Variants in ARHGAP5 observed in about 807,000 individuals in gnomAD.
ARHGAP5 encodes the protein Rho GTPase activating protein 5, also known as rho GTPase-activating protein 5.
A neutral mutation model predicts 116.6 loss-of-function variants in ARHGAP5; 23 were observed. That is an observed-to-expected ratio of 0.20 (90% CI 0.14 to 0.28). The LOEUF (loss-of-function observed/expected upper bound fraction) is 0.28. Ranked by LOEUF, ARHGAP5 falls within the 10% of genes least tolerant of loss-of-function variation. The pLI is 1.00. For synonymous variants in ARHGAP5, 574 were observed against 602.0 expected (o/e 0.95, Z 0.68); for missense variants, 1,405 against 1,774.8 (o/e 0.79, Z 3.74).
rs891226920 is a variant in ARHGAP5, at chr14:32,154,804, A to G, written c.4365A>G (p.Val1455=). 5.0e-6 allele frequency: 8 copies of G among 1,614,080 alleles called. No homozygotes were observed. In the African/African-American group the frequency reaches 6.7e-5, roughly 13 times the overall value. Residue 1455 remains valine (V), a synonymous_variant, in exon 7 of 7, where the codon GTA becomes GTG. Coordinates refer to ENST00000345122, the MANE Select transcript of ARHGAP5 (RefSeq NM_001030055.2). ...TTTTCTTTTACAATGGAGAAATTGTAGAAACGACAAACATTGTGGCTCCTC... is the reference window on the plus strand; with the variant it reads ...TTTTCTTTTACAATGGAGAAATTGTGGAAACGACAAACATTGTGGCTCCTC... ...CQFFFYNGEI[V]ETTNIVAPPP...
rs1880948006 is a variant in ARHGAP5 at position 32,138,834 on chromosome 14, G to A, written c.3866-7429G>A. 2.6e-5 allele frequency among the ~76,000 whole-genome samples: 4 copies of A among 152,182 alleles called. No individual in the cohort carries two copies. In the South Asian group the frequency reaches 8.3e-4, roughly 32 times the overall value. ...CACAGCTAATAAGTATATAGCTCTG[G>A]ATTTTTCATAAATGTCCTTGATCGT... On this transcript the variant is annotated intron_variant, in intron 3 of 6. Transcript: ENST00000345122.
chr14:32,080,587 A>G lies in ARHGAP5; in HGVS notation c.-169+3152A>G, dbSNP rs543710280. Among the ~76,000 whole-genome samples, 89 of 152,204 alleles carry G rather than the reference A, an allele frequency of 5.8e-4. 1 individual carries two copies. Among genetic ancestry groups the G allele is most frequent in the African/African-American group, 2.1e-3 (87 of 41,558 alleles). On this transcript the variant is annotated intron_variant, in intron 1 of 6. Transcript: ENST00000345122. ...CTATGTGCCTAGCCCTGGAAATACC[A>G]AGATAAATTAGATATAGGTATAATA...
At chr14:32,145,296 G>A (rs1881323936) in intron 3 of ARHGAP5, among the ~76,000 whole-genome samples, 1 of 152,212 alleles carries the variant, frequency 6.6e-6, no homozygotes. Context: ...CTGATTGGCA[G>A]CAGTAGAAGT....
rs1354242465 is a variant in ARHGAP5, at chr14:32,155,011, A to G, written c.*63A>G. On this transcript the variant is annotated 3_prime_UTR_variant, in exon 7 of 7. Transcript: ENST00000345122. ...AAGCAAATCTAGACATGCATGTTTC[A>G]GGGTTCAGTAGTATACTTCATGTTT... is the stretch of plus-strand genomic sequence containing the variant. The G allele has an allele frequency of 3.6e-6, 5 of 1,377,558 alleles. No individual in the cohort carries two copies. In the Admixed American group the frequency reaches 7.9e-5, roughly 22 times the overall value. The allele number at this position is 1,377,558 out of a possible 1,614,324, so 85.3% of individuals were successfully genotyped here.
chr14:32,082,654 C>G (rs934464067), intron 1 of ARHGAP5, among the ~76,000 whole-genome samples: 2 of 152,182 alleles, frequency 1.3e-5, no homozygotes, highest in Admixed American at 1.3e-4. Flanking sequence ...ATTCTCCTGC[C>G]TCATCCTCCT....
At chr14:32,128,756 A>G (rs556116550) in intron 3 of ARHGAP5, among the ~76,000 whole-genome samples, 31 of 152,304 alleles carry the variant, frequency 2.0e-4, no homozygotes, top group South Asian at 6.2e-4. Flanking sequence ...ATATGCTGTT[A>G]GATTTTATTT....
In ARHGAP5 at chr14:32,146,210, C is replaced by T. The variant is rs1303006943; in HGVS notation, c.3866-53C>T. Reference sequence around the variant, plus strand: ...ACAAACATGAGCCACTGTGCCCAGCCGTGTGGATATATATGTGTTTATTAA... The same window carrying T: ...ACAAACATGAGCCACTGTGCCCAGCTGTGTGGATATATATGTGTTTATTAA... On this transcript the variant is annotated intron_variant, in intron 3 of 6. Transcript: ENST00000345122. 2.3e-5 allele frequency: 31 copies of T among 1,329,922 alleles called. 2 individuals are homozygous for T. The South Asian group carries it at 2.9e-4, about 12-fold the overall frequency. 82.4% of individuals were successfully genotyped at this position (1,329,922 alleles called of 1,614,324 possible).
intron 1 of ARHGAP5, among the ~76,000 whole-genome samples, chr14:32,084,688 T>C (rs1279883541): frequency 6.6e-6 from 1 of 152,222 alleles, no homozygotes; most frequent in Non-Finnish European, 1.5e-5. Context: ...ATTTGCCTGA[T>C]TATATTCTTG....
intron 3 of ARHGAP5, among the ~76,000 whole-genome samples, chr14:32,143,501 C>T (rs1881236658): frequency 6.6e-6 from 1 of 152,154 alleles, no homozygotes; most frequent in Non-Finnish European, 1.5e-5. Flanking sequence ...GCTTTGGCCT[C>T]CCAAAGTGCT....
Position 32,093,864 on chromosome 14 carries a change from T to G in ARHGAP5, c.3195T>G (p.Gly1065=). Residue 1065 remains glycine, a synonymous_variant, in exon 2 of 7, where the codon GGT becomes GGG. Transcript: ENST00000345122. ...DPNLLKTIEA[G]IGKNPRKQTS... is the part of the protein sequence containing the mutation. ...ACCTTTTAAAAACAATTGAAGCTGG[T>G]ATTGGTAAAAATCCAAGAAAGCAGA... 6.2e-7 allele frequency: 1 copy of G among 1,614,024 alleles called. No individual in the cohort carries two copies. Among genetic ancestry groups the G allele is most frequent in the Non-Finnish European group, 8.5e-7 (1 of 1,179,986 alleles).
chr14:32,139,129 A>G (rs1477638650), intron 3 of ARHGAP5, among the ~76,000 whole-genome samples: 2 of 152,074 alleles, frequency 1.3e-5, no homozygotes, highest in African/African-American at 4.8e-5. Flanking sequence ...TTGGTTTGGT[A>G]GTATTTTGTT....
At chr14:32,151,482 C>A (rs916191279) in intron 5 of ARHGAP5, among the ~76,000 whole-genome samples, 2 of 152,252 alleles carry the variant, frequency 1.3e-5, no homozygotes, top group African/African-American at 2.4e-5. Context: ...ATAGGCGAAT[C>A]TATAGCCCGA....
At chr14:32,081,340 C>T (rs1054041183) in intron 1 of ARHGAP5, among the ~76,000 whole-genome samples, 1 of 151,914 alleles carries the variant, frequency 6.6e-6, no homozygotes, top group Admixed American at 6.6e-5. Flanking sequence ...GGGAAAAAGA[C>T]ATTTAGGGAA....
intron 2 of ARHGAP5, among the ~76,000 whole-genome samples, chr14:32,109,034 C>G (rs1012179461): frequency 6.6e-6 from 1 of 152,070 alleles, no homozygotes; most frequent in Non-Finnish European, 1.5e-5. Flanking sequence ...AATTCTAGAT[C>G]ATTGTCAAGT....
chr14:32,128,768 C>G (rs762216727), intron 3 of ARHGAP5, among the ~76,000 whole-genome samples: 1 of 152,142 alleles, frequency 6.6e-6, no homozygotes, highest in Non-Finnish European at 1.5e-5. Flanking sequence ...ATTTTATTTG[C>G]TAGTATTTTG....
chr14:32,098,891 A>G (rs1878657766), intron 2 of ARHGAP5, among the ~76,000 whole-genome samples: 1 of 152,174 alleles, frequency 6.6e-6, no homozygotes, highest in South Asian at 2.1e-4. Context: ...ATTTGAACAT[A>G]GAGAGTGAAT....
Position 32,092,749 on chromosome 14 carries a change from C to A in ARHGAP5, c.2080C>A (p.Leu694Ile). Residue 694 changes from leucine (L) to isoleucine (I), a missense_variant, in exon 2 of 7, where the codon CTT (leucine) becomes ATT (isoleucine). Transcript: ENST00000345122. This position sits in a 1 kb window ranked among gnomAD's most constrained non-coding sequence, Gnocchi z 4.1. ...CAGAAAAGATAAATACATGGCTAAT[C>A]TTCCATTTACATTAATTCTGGCTAA... The part of the protein sequence containing the change: ...QIRKDKYMAN[L>I]PFTLILANQR... 6.2e-7 allele frequency: 1 copy of A among 1,613,772 alleles called. No homozygotes were observed. The highest frequency in any genetic ancestry group is 2.2e-5 in the East Asian group (1 of 44,874).
rs755769137 is a variant in ARHGAP5 at position 32,091,584 on chromosome 14, A to G, written c.915A>G (p.Glu305=). 3.7e-6 allele frequency: 6 copies of G among 1,612,676 alleles called. No individual in the cohort carries two copies. The East Asian group carries it at 8.9e-5, about 24-fold the overall frequency. The change falls in exon 2 of 7, where the codon GAA becomes GAG. Residue 305 remains glutamate (E), a synonymous_variant. Coordinates refer to ENST00000345122, the MANE Select transcript of ARHGAP5 (RefSeq NM_001030055.2). ...NKLKNHPDYE[E]YINLEGTRKA... is the part of the protein sequence containing the mutation. ...TAAAAAATCATCCTGATTATGAAGA[A>G]TACATCAACTTAGAGGGAACAAGAA...
intron 3 of ARHGAP5, among the ~76,000 whole-genome samples, chr14:32,127,462 C>T (rs1880228815): frequency 6.6e-6 from 1 of 152,134 alleles, no homozygotes; most frequent in South Asian, 2.1e-4. Context: ...GTTGACACAG[C>T]ACATGTTTCA....
Sources: gnomAD v4.1 joint callset for allele counts (sites outside exome capture counted in the v4.1 genomes callset) on GRCh38, gnomAD v4.1.1 for gene constraint, Gnocchi (gnomAD v3.1) non-coding constraint, MANE v1.5 for transcripts, NCBI Gene and HGNC (gene_info 2026-07-23, HGNC 2026-07-21) for gene names.